Variants in AXDND1 observed in about 807,000 individuals in gnomAD.
The protein encoded by AXDND1 is axonemal dynein light chain domain-containing protein 1.
AXDND1 carries 110 observed loss-of-function variants against 137.5 expected under a neutral mutation model. The observed-to-expected ratio is 0.80, with a 90% CI of 0.69 to 0.94. AXDND1 has a LOEUF of 0.94. Among genes scored for constraint, AXDND1 ranks in the 40% least tolerant of loss-of-function variants. The pLI, the probability that AXDND1 is intolerant of heterozygous loss-of-function variation, is 0.00. For synonymous variants in AXDND1, 414 were observed against 399.7 expected, an observed-to-expected ratio of 1.04 and a Z score of -0.43; for missense variants, 1,191 against 1,169.8, an observed-to-expected ratio of 1.02 and a Z score of -0.26.
At chr1:179,402,854 G>A (rs955025153) in intron 11 of AXDND1, among the ~76,000 whole-genome samples, 8 of 152,114 alleles carry the variant, frequency 5.3e-5, no homozygotes, top group Non-Finnish European at 1.2e-4. Flanking sequence ...CCACTAAATG[G>A]CACTTGACAA....
chr1:179,552,812 C>G, intron 25 of AXDND1: 1 of 727,632 alleles, frequency 1.4e-6, no homozygotes, highest in Non-Finnish European at 2.5e-6. Context: ...CAGAGTGTGC[C>G]ATTCCTAGAC....
At chr1:179,473,405 G>A (rs1664207475) in intron 17 of AXDND1, among the ~76,000 whole-genome samples, 1 of 152,084 alleles carries the variant, frequency 6.6e-6, no homozygotes, top group African/African-American at 2.4e-5. Context: ...GGCTGAGGCA[G>A]GAGAATTGCT....
Position 179,368,940 on chromosome 1 carries a change from T to C in AXDND1, c.238T>C (p.Leu80=), listed in dbSNP as rs1331367501. The C allele has an allele frequency of 1.2e-6, 2 of 1,613,300 alleles. No individual in the cohort carries two copies. Among genetic ancestry groups the C allele is most frequent in the Non-Finnish European group, 1.7e-6 (2 of 1,179,702 alleles). Residue 80 remains leucine, a synonymous_variant, in exon 3 of 26, where the codon TTA becomes CTA. Coordinates refer to ENST00000367618, the MANE Select transcript of AXDND1 (RefSeq NM_144696.6). ...CAATGCTGGTCCTTGTCCTGAAAACTTACTACCTCCTAAGAAAATTAAAAC... is the reference window on the plus strand; with the variant it reads ...CAATGCTGGTCCTTGTCCTGAAAACCTACTACCTCCTAAGAAAATTAAAAC... ...AANAGPCPEN[L]LPPKKIKTPK... is the part of the protein sequence containing the mutation.
intron 20 of AXDND1, among the ~76,000 whole-genome samples, chr1:179,498,280 C>T (rs79836307): frequency 0.018 from 2,764 of 152,012 alleles, 43 homozygotes; most frequent in Non-Finnish European, 0.029. Context: ...AACAAAACAG[C>T]ATGGTACTGG....
At chr1:179,411,418 C>T in intron 12 of AXDND1, 152 bp downstream of exon 12, 1 of 1,018,442 alleles carries the variant, frequency 9.8e-7, no homozygotes, top group East Asian at 3.0e-5. Context: ...GATCTCGGCT[C>T]ACTGCAACCT....
chr1:179,410,284 G>A (rs1653662740), intron 11 of AXDND1, among the ~76,000 whole-genome samples: 1 of 152,178 alleles, frequency 6.6e-6, no homozygotes, highest in Non-Finnish European at 1.5e-5. Context: ...AGTCTGGAGT[G>A]CAGTGGCGCG....
At position 179,426,978 on chromosome 1, in the gene AXDND1, G is replaced by A. The variant is rs562208471; in HGVS notation, c.1231-2540G>A. ...GGAGTTTGAGACCAGCCTGGCCAAC[G>A]TGGTAAAACCCCGTCTCTACTAAAA... On this transcript the variant is annotated intron_variant, in intron 12 of 25. Coordinates refer to ENST00000367618, the MANE Select transcript of AXDND1 (RefSeq NM_144696.6). 7.9e-5 allele frequency among the ~76,000 whole-genome samples: 12 copies of A among 152,018 alleles called. No individual in the cohort carries two copies. In the South Asian group the frequency reaches 1.9e-3, roughly 24 times the overall value.
At chr1:179,453,853 A>G (rs776966515) in intron 16 of AXDND1, 2 of 150,312 alleles carry the variant, frequency 1.3e-5, no homozygotes, top group African/African-American at 2.4e-5. Context: ...TTGGATTTGC[A>G]TGGGGCTTGT....
chr1:179,413,103 T>G (rs1342925732), intron 12 of AXDND1, among the ~76,000 whole-genome samples: 1 of 152,152 alleles, frequency 6.6e-6, no homozygotes, highest in Non-Finnish European at 1.5e-5. Flanking sequence ...TGAAGTACAA[T>G]TGATATACAA....
chr1:179,501,042 G>A (rs938885506), intron 20 of AXDND1, among the ~76,000 whole-genome samples: 2 of 152,142 alleles, frequency 1.3e-5, no homozygotes, highest in Non-Finnish European at 2.9e-5. Context: ...AATAGTACAT[G>A]TTGCTACCAG....
chr1:179,477,940 C>A (rs1041507377), intron 17 of AXDND1, among the ~76,000 whole-genome samples: 1 of 152,192 alleles, frequency 6.6e-6, no homozygotes. Flanking sequence ...AACAAAAGGG[C>A]TACTGGCTCC....
chr1:179,449,302 G>A (rs1163426664), intron 16 of AXDND1: 2 of 308,554 alleles, frequency 6.5e-6, no homozygotes, highest in Non-Finnish European at 1.3e-5. Flanking sequence ...CCATTTAATA[G>A]TCTTGGCATC....
chr1:179,427,536 C>T (rs1024605595), intron 12 of AXDND1, among the ~76,000 whole-genome samples: 1 of 152,032 alleles, frequency 6.6e-6, no homozygotes, highest in African/African-American at 2.4e-5. Context: ...TCAAATATCT[C>T]AACGATTGAG....
intron 16 of AXDND1, among the ~76,000 whole-genome samples, chr1:179,461,994 G>A (rs925797226): frequency 6.6e-6 from 1 of 152,156 alleles, no homozygotes; most frequent in Admixed American, 6.5e-5. Flanking sequence ...TCTGCAAACA[G>A]GGACAATTTG....
chr1:179,369,976 G>A lies in AXDND1; in HGVS notation c.272G>A (p.Gly91Asp), dbSNP rs781001862. The change falls in exon 4 of 26, where the codon GGC (glycine) becomes GAC (aspartate). Residue 91 changes from glycine to aspartate, a missense_variant and splice_region_variant. Physicochemically the swap from Gly to Asp is moderately conservative, Grantham distance 94 (BLOSUM62 -1). Transcript: ENST00000367618. ...LPPKKIKTPK[G>D]TLPRLVDHVW... Reference sequence around the variant, plus strand: ...TCATGTGTATTTGCTTTTTCCCAGGGCACTCTTCCACGCCTTGTAGACCAT... The same window carrying A: ...TCATGTGTATTTGCTTTTTCCCAGGACACTCTTCCACGCCTTGTAGACCAT... The A allele has an allele frequency of 5.6e-6, 9 of 1,612,006 alleles. No individual in the cohort carries two copies. In the Admixed American group the frequency reaches 1.3e-4, roughly 24 times the overall value.
chr1:179,511,398 G>GTA (rs1490754394), intron 21 of AXDND1, among the ~76,000 whole-genome samples: 2 of 148,834 alleles, frequency 1.3e-5, no homozygotes, highest in Admixed American at 1.4e-4. Flanking sequence ...TATGGGGTGT[G>GTA]TGTGTGTGTG....
intron 25 of AXDND1, chr1:179,552,724 T>C (rs1365242694): frequency 1.4e-6 from 2 of 1,477,304 alleles, no homozygotes; most frequent in Admixed American, 1.7e-5. Context: ...GCAGCCATGA[T>C]TTAGGGGCCA....
intron 12 of AXDND1, among the ~76,000 whole-genome samples, chr1:179,420,324 ATGT>A (rs1361583660): frequency 2.0e-5 from 3 of 152,024 alleles, no homozygotes; most frequent in Non-Finnish European, 2.9e-5. Context: ...CTTTTTTAAC[ATGT>A]TGTTGAATTT....
intron 25 of AXDND1, among the ~76,000 whole-genome samples, chr1:179,540,426 T>C (rs888699123): frequency 6.6e-6 from 1 of 152,204 alleles, no homozygotes; most frequent in Non-Finnish European, 1.5e-5. Flanking sequence ...TTTCTGTTTG[T>C]TAGTTTTCCT....
Sources: gnomAD v4.1 joint callset for allele counts (sites outside exome capture counted in the v4.1 genomes callset) on GRCh38, gnomAD v4.1.1 for gene constraint, MANE v1.5 for transcripts, NCBI Gene and HGNC (gene_info 2026-07-23, HGNC 2026-07-21) for gene names.